HIVEP3: variants seen among roughly 807,000 people sequenced by gnomAD.
HIVEP3 encodes HIVEP zinc finger 3.
Under a neutral mutation model 152.8 loss-of-function variants are expected in HIVEP3, and 49 were observed. The observed-to-expected ratio is 0.32, with a 90% CI of 0.26 to 0.41. The LOEUF (loss-of-function observed/expected upper bound fraction) is 0.41. Among genes scored for constraint, HIVEP3 ranks in the 10% least tolerant of loss-of-function variants. The pLI is 1.00. For missense variants in HIVEP3, 2,790 were observed against 3,103.3 expected (o/e 0.90, Z 2.40); for synonymous variants, 1,269 against 1,289.0 (o/e 0.98, Z 0.33).
chr1:41,726,926 G>A (rs553319336), intron 1 of HIVEP3, among the ~76,000 whole-genome samples: 2 of 152,310 alleles, frequency 1.3e-5, no homozygotes, highest in Admixed American at 6.5e-5. Context: ...TGCTGTGGTA[G>A]AGGGCTGTAC....
At chr1:41,649,998 C>G (rs1645522133) in intron 2 of HIVEP3, among the ~76,000 whole-genome samples, 1 of 152,008 alleles carries the variant, frequency 6.6e-6, no homozygotes. Flanking sequence ...GTGGGAAAGC[C>G]TGGCCGGGAA....
At chr1:41,892,441 C>G (rs1557492801) in intron 1 of HIVEP3, among the ~76,000 whole-genome samples, 1 of 152,152 alleles carries the variant, frequency 6.6e-6, no homozygotes, top group Non-Finnish European at 1.5e-5. Context: ...TGCCCAGACG[C>G]TCTGAACCAC....
intron 1 of HIVEP3, among the ~76,000 whole-genome samples, chr1:41,705,499 T>A (rs1646419631): frequency 6.6e-6 from 1 of 152,192 alleles, no homozygotes. Flanking sequence ...GTATCTTGCC[T>A]ACTTCCAAAA....
Position 41,613,070 on chromosome 1 carries a change from TG to T in HIVEP3, c.-522+15678del, listed in dbSNP as rs1644920631. 2.0e-5 allele frequency among the ~76,000 whole-genome samples: 3 copies of T among 152,196 alleles called. No individual in the cohort carries two copies. The South Asian group carries it at 6.2e-4, about 31-fold the overall frequency. Reference sequence around the variant, plus strand: ...AGAGGATTCCCTGGGCAGGGAGCAGTGGAGGACAGCCAGGAGCACTGGGCGC... The same window carrying T: ...AGAGGATTCCCTGGGCAGGGAGCAGTGAGGACAGCCAGGAGCACTGGGCGC... On this transcript the variant is annotated intron_variant, in intron 3 of 8. Coordinates refer to ENST00000372583, the MANE Select transcript of HIVEP3 (RefSeq NM_024503.5).
rs781731651 is a variant in HIVEP3, at chr1:41,582,244, T to C, written c.2554A>G (p.Asn852Asp). 1.9e-6 allele frequency: 3 copies of C among 1,613,878 alleles called. No individual in the cohort carries two copies. The Admixed American group carries it at 5.0e-5, about 27-fold the overall frequency. The change falls in exon 4 of 9, where the codon AAC (asparagine) becomes GAC (aspartate). Residue 852 changes from asparagine (N) to aspartate (D), a missense_variant. Physicochemically the swap from Asn to Asp is conservative, Grantham distance 23. Around this residue, in one of 9 missense-constraint regions of HIVEP3, gnomAD observed 1,078 missense variants for 1,165.3 expected, o/e 0.93. Coordinates refer to ENST00000372583, the MANE Select transcript of HIVEP3 (RefSeq NM_024503.5). This position sits in a 1 kb window ranked among gnomAD's most constrained non-coding sequence, Gnocchi z 4.7. Reference sequence around the variant, plus strand: ...ACTAGGATCTCAGGAACCTGAATGTTGGGCTGGCGGACCAACTTAGGCTGC... The same window carrying C: ...ACTAGGATCTCAGGAACCTGAATGTCGGGCTGGCGGACCAACTTAGGCTGC... ...SLQPKLVRQP[N>D]IQVPEILVTE...
chr1:41,542,260 G>A (rs1643548702), intron 5 of HIVEP3: 1 of 152,232 alleles, frequency 6.6e-6, no homozygotes, highest in Non-Finnish European at 1.5e-5. Flanking sequence ...AAGAAGTCAC[G>A]ATGGAGTCTC....
chr1:41,967,234 A>G (rs1213618793), intron 1 of HIVEP3, among the ~76,000 whole-genome samples: 1 of 152,206 alleles, frequency 6.6e-6, no homozygotes, highest in African/African-American at 2.4e-5. Flanking sequence ...CCAAAACAAT[A>G]GAATATACAT....
At chr1:41,929,212 CTG>C (rs1417772835) in intron 1 of HIVEP3, among the ~76,000 whole-genome samples, 1 of 152,150 alleles carries the variant, frequency 6.6e-6, no homozygotes, top group Non-Finnish European at 1.5e-5. Context: ...TAAGGAAAAA[CTG>C]TCCTTTTTCC....
chr1:41,633,090 C>T (rs926703258), intron 2 of HIVEP3, among the ~76,000 whole-genome samples: 15 of 152,100 alleles, frequency 9.9e-5, no homozygotes, highest in African/African-American at 3.4e-4. Flanking sequence ...TCTCCCCCTC[C>T]GTGGCAGGTC....
At chr1:41,824,784 T>TATATATATATAGAGAGAG (rs1553266584) in intron 1 of HIVEP3, among the ~76,000 whole-genome samples, 3 of 11,394 alleles carry the variant, frequency 2.6e-4, no homozygotes, top group South Asian at 5.2e-3. Flanking sequence ...TATATATATA[T>TATATATATATAGAGAGAG]AGAGAGAGAG....
At chr1:41,630,638 C>G (rs1044128578) in intron 2 of HIVEP3, among the ~76,000 whole-genome samples, 11 of 152,164 alleles carry the variant, frequency 7.2e-5, no homozygotes, top group African/African-American at 2.7e-4. Context: ...TTGTAGGGAA[C>G]TGAGTCTTGT....
chr1:41,512,716 G>C, intron 8 of HIVEP3, 100 bp downstream of exon 8: 1 of 932,644 alleles, frequency 1.1e-6, no homozygotes, highest in Non-Finnish European at 1.6e-6. Flanking sequence ...TGAGCTGGCA[G>C]AGCTGTTTAG....
intron 5 of HIVEP3, among the ~76,000 whole-genome samples, chr1:41,567,175 A>C (rs906879978): frequency 6.6e-6 from 1 of 152,116 alleles, no homozygotes; most frequent in African/African-American, 2.4e-5. Flanking sequence ...CCATCTACTC[A>C]GTGGTTACTA....
At chr1:41,656,397 G>A (rs771714905) in intron 2 of HIVEP3, among the ~76,000 whole-genome samples, 2 of 152,200 alleles carry the variant, frequency 1.3e-5, no homozygotes, top group African/African-American at 4.8e-5. Context: ...GTAGTTAGTG[G>A]CAGTTCCAGG....
chr1:41,569,733 GCA>G (rs149916153), intron 5 of HIVEP3, among the ~76,000 whole-genome samples: 2,045 of 151,414 alleles, frequency 0.014, 60 homozygotes, highest in African/African-American at 0.046. Flanking sequence ...ACATACACAG[GCA>G]CACACACACA....
At chr1:41,919,804 GGTA>G (rs1644925332), upstream of HIVEP3, among the ~76,000 whole-genome samples, 1 of 152,170 alleles carries the variant, frequency 6.6e-6, no homozygotes, top group Non-Finnish European at 1.5e-5. Flanking sequence ...CTTTTAAAGA[GGTA>G]GCGCTGAGAA....
At chr1:41,687,005 G>A (rs1438195854) in intron 2 of HIVEP3, among the ~76,000 whole-genome samples, 6 of 152,160 alleles carry the variant, frequency 3.9e-5, no homozygotes. Context: ...AGCAGAAAAA[G>A]GGAACACGGA....
chr1:41,859,405 T>C (rs1643857297), intron 1 of HIVEP3, among the ~76,000 whole-genome samples: 2 of 152,246 alleles, frequency 1.3e-5, no homozygotes, highest in Non-Finnish European at 2.9e-5. Flanking sequence ...AAAAGTAATG[T>C]CATGTCTTCA....
intron 2 of HIVEP3, among the ~76,000 whole-genome samples, chr1:41,633,918 G>C (rs1645232968): frequency 6.6e-6 from 1 of 152,176 alleles, no homozygotes; most frequent in Admixed American, 6.5e-5. Flanking sequence ...GATGATATCT[G>C]GGGAGCTGGC....
Sources: gnomAD v4.1 joint callset for allele counts (sites outside exome capture counted in the v4.1 genomes callset) on GRCh38, gnomAD v4.1.1 for gene constraint, gnomAD v4.1.1 regional missense constraint, Gnocchi (gnomAD v3.1) non-coding constraint, MANE v1.5 for transcripts, NCBI Gene and HGNC (gene_info 2026-07-23, HGNC 2026-07-21) for gene names.